RAD54B: variants seen among roughly 807,000 people sequenced by gnomAD.
RAD54B encodes the protein DNA repair and recombination protein RAD54B.
RAD54B carries 78 observed loss-of-function variants against 95.8 expected under a neutral mutation model. The observed-to-expected ratio is 0.81, with a 90% CI of 0.68 to 0.98. RAD54B has a LOEUF of 0.98. Ranked by LOEUF, RAD54B falls within the 50% of genes least tolerant of loss-of-function variation. The pLI is 0.00. For missense variants in RAD54B, 957 were observed against 1,056.6 expected (o/e 0.91, Z 1.31); for synonymous variants, 328 against 354.9 (o/e 0.92, Z 0.85).
chr8:94,393,344 C>T (rs1811066724), intron 9 of RAD54B: 1 of 168,068 alleles, frequency 5.9e-6, no homozygotes, highest in East Asian at 1.8e-4. Context: ...GTGGTATACA[C>T]CTGCAGTCCC....
intron 3 of RAD54B, among the ~76,000 whole-genome samples, chr8:94,423,256 G>A (rs1018563298): frequency 5.9e-5 from 9 of 152,012 alleles, no homozygotes; most frequent in Admixed American, 2.0e-4. Context: ...GGTGACAGGC[G>A]CCTGTAGTCC....
chr8:94,419,562 G>A (rs958824694), intron 3 of RAD54B, among the ~76,000 whole-genome samples: 11 of 151,896 alleles, frequency 7.2e-5, no homozygotes, highest in Non-Finnish European at 1.6e-4. Flanking sequence ...TAAATCTACT[G>A]AATTTTAATA....
chr8:94,469,756 T>A (rs566848764), intron 1 of RAD54B, among the ~76,000 whole-genome samples: 2 of 152,350 alleles, frequency 1.3e-5, no homozygotes, highest in East Asian at 3.9e-4. Flanking sequence ...GACAGATACA[T>A]TACCATCACT....
chr8:94,374,442 TTAA>T (rs1810518574), intron 14 of RAD54B, among the ~76,000 whole-genome samples: 1 of 152,100 alleles, frequency 6.6e-6, no homozygotes, highest in Admixed American at 6.5e-5. Context: ...TAAAAATACC[TTAA>T]TAATGATAAA....
intron 12 of RAD54B, among the ~76,000 whole-genome samples, chr8:94,379,663 G>T (rs1441124952): frequency 6.6e-6 from 1 of 152,144 alleles, no homozygotes; most frequent in Non-Finnish European, 1.5e-5. Context: ...CAAACCTACA[G>T]GTAGAAAACT....
intron 3 of RAD54B, chr8:94,428,681 T>C (rs1399932007): frequency 2.4e-6 from 2 of 849,318 alleles, no homozygotes; most frequent in Non-Finnish European, 2.8e-6. Context: ...ATATTTTCAA[T>C]CCACAGTAGT....
At chr8:94,467,704 T>C (rs1210027345) in intron 1 of RAD54B, 149 bp from the exon 2 acceptor site, 1 of 750,508 alleles carries the variant, frequency 1.3e-6, no homozygotes, top group Non-Finnish European at 2.0e-6. Context: ...AAAAGGAAAA[T>C]CTTCAGTTCC....
intron 2 of RAD54B, among the ~76,000 whole-genome samples, chr8:94,466,171 T>C (rs1813020109): frequency 6.6e-6 from 1 of 152,170 alleles, no homozygotes; most frequent in African/African-American, 2.4e-5. Context: ...TTATGTTACA[T>C]ACGCTTAACC....
chr8:94,393,826 G>T lies in RAD54B; in HGVS notation c.1435C>A (p.Pro479Thr). Residue 479 changes from proline (P) to threonine (T), a missense_variant, in exon 9 of 15, where the codon CCA (proline) becomes ACA (threonine). By Grantham distance (38) the Pro-to-Thr change is conservative. Coordinates refer to ENST00000336148, the MANE Select transcript of RAD54B (RefSeq NM_012415.3). ...GATGACAAAGAGCCTAATATTCCTGGATTTACAAAATCAATTAATGCAAAA... is the reference window on the plus strand; with the variant it reads ...GATGACAAAGAGCCTAATATTCCTGTATTTACAAAATCAATTAATGCAAAA... ...EFFALIDFVN[P>T]GILGSLSSYR... The T allele has an allele frequency of 6.3e-7, 1 of 1,595,186 alleles. No individual in the cohort carries two copies. The highest frequency in any genetic ancestry group is 8.6e-7 in the Non-Finnish European group (1 of 1,164,552).
chr8:94,452,088 T>C (rs540838011), intron 3 of RAD54B, among the ~76,000 whole-genome samples: 1 of 152,326 alleles, frequency 6.6e-6, no homozygotes, highest in South Asian at 2.1e-4. Context: ...CTGTCTCCTG[T>C]GTCCTCACAT....
At chr8:94,384,658 A>G (rs13281619) in intron 11 of RAD54B, among the ~76,000 whole-genome samples, 58,490 of 152,032 alleles carry the variant, frequency 0.38, 11,417 homozygotes, top group Admixed American at 0.5. Context: ...TAAAATGGTA[A>G]CTCTATGTTA....
At chr8:94,374,278 C>CAA (rs71273329) in intron 14 of RAD54B, among the ~76,000 whole-genome samples, 6 of 124,244 alleles carry the variant, frequency 4.8e-5, no homozygotes, top group Admixed American at 8.2e-5. Context: ...GACTCCGTCT[C>CAA]AAAAAAAAAA....
Position 94,387,171 on chromosome 8 carries a change from G to C in RAD54B, c.1810-12C>G, listed in dbSNP as rs143809253. On this transcript the variant is annotated splice_polypyrimidine_tract_variant and intron_variant, in intron 10 of 14. Coordinates refer to ENST00000336148, the MANE Select transcript of RAD54B (RefSeq NM_012415.3). ...CTACATTCCTTTTCCTATTCAAAATGATGATTGTTAATGCTGGCTCAAGTT... is the reference window on the plus strand; with the variant it reads ...CTACATTCCTTTTCCTATTCAAAATCATGATTGTTAATGCTGGCTCAAGTT... The C allele has an allele frequency of 0.019, 30,062 of 1,558,846 alleles. 365 individuals carry two copies. The highest frequency in any genetic ancestry group is 0.021 in the Non-Finnish European group (24,870 of 1,156,886).
intron 3 of RAD54B, among the ~76,000 whole-genome samples, chr8:94,449,192 G>A (rs919023990): frequency 1.1e-4 from 10 of 93,928 alleles, no homozygotes; most frequent in South Asian, 3.7e-4. Flanking sequence ...CTTCCCCCCC[G>A]CCCCCCACCA....
intron 3 of RAD54B, among the ~76,000 whole-genome samples, chr8:94,446,045 TATC>T (rs1318601678): frequency 6.6e-6 from 1 of 152,160 alleles, no homozygotes; most frequent in East Asian, 1.9e-4. Context: ...TTTTTTAAAG[TATC>T]ATAATAAAAT....
At chr8:94,404,412 A>T (rs1166368778) in intron 5 of RAD54B, among the ~76,000 whole-genome samples, 173 bp from the exon 6 acceptor site, 1 of 152,164 alleles carries the variant, frequency 6.6e-6, no homozygotes, top group Non-Finnish European at 1.5e-5. Flanking sequence ...AGAAAATCTC[A>T]TGCCTTACTG....
chr8:94,401,437 T>C (rs923882070), intron 6 of RAD54B, among the ~76,000 whole-genome samples: 2 of 152,210 alleles, frequency 1.3e-5, no homozygotes, highest in African/African-American at 4.8e-5. Flanking sequence ...TTTCTCTTCC[T>C]TATGGTTTTC....
intron 3 of RAD54B, among the ~76,000 whole-genome samples, chr8:94,433,400 G>A (rs1586167488): frequency 6.6e-6 from 1 of 151,912 alleles, no homozygotes; most frequent in Admixed American, 6.6e-5. Context: ...AGCAGGTACT[G>A]TACTTAGAAC....
At chr8:94,464,291 C>G (rs1226670020) in intron 2 of RAD54B, among the ~76,000 whole-genome samples, 2 of 152,132 alleles carry the variant, frequency 1.3e-5, no homozygotes, top group Non-Finnish European at 2.9e-5. Flanking sequence ...AACATGAGAA[C>G]TCAAACGTGC....
Sources: gnomAD v4.1 joint callset for allele counts (sites outside exome capture counted in the v4.1 genomes callset) on GRCh38, gnomAD v4.1.1 for gene constraint, MANE v1.5 for transcripts, NCBI Gene and HGNC (gene_info 2026-07-23, HGNC 2026-07-21) for gene names.